The following SPON1 variants were observed in gnomAD, a reference collection of about 807,000 sequenced individuals.
The protein encoded by SPON1 is spondin 1, also known as spondin-1.
A neutral mutation model predicts 111.7 loss-of-function variants in SPON1; 52 were observed. That is an observed-to-expected ratio of 0.47 (90% CI 0.37 to 0.59). SPON1 has a LOEUF of 0.59. Ranked by LOEUF, SPON1 falls within the 20% of genes least tolerant of loss-of-function variation. SPON1 has a pLI of 0.00. For synonymous variants in SPON1, 410 were observed against 395.8 expected, an observed-to-expected ratio of 1.04 and a Z score of -0.43; for missense variants, 957 against 1,068.5, an observed-to-expected ratio of 0.90 and a Z score of 1.46.
At chr11:13,974,868 G>A (rs1215031368) in intron 1 of SPON1, among the ~76,000 whole-genome samples, 1 of 152,080 alleles carries the variant, frequency 6.6e-6, no homozygotes, top group Non-Finnish European at 1.5e-5. Flanking sequence ...TCCTCACCAA[G>A]CCTTTTATCA....
At chr11:14,185,134 G>A (rs186287320) in intron 6 of SPON1, among the ~76,000 whole-genome samples, 54 of 152,252 alleles carry the variant, frequency 3.5e-4, no homozygotes, top group Middle Eastern at 3.4e-3. Flanking sequence ...CCAATGCAAT[G>A]CACATGCTTT....
At chr11:14,157,447 A>C (rs1422090608) in intron 6 of SPON1, among the ~76,000 whole-genome samples, 2 of 152,108 alleles carry the variant, frequency 1.3e-5, no homozygotes, top group African/African-American at 4.8e-5. Flanking sequence ...CTTTTTACAT[A>C]GCTGCTTTTA....
At chr11:14,060,449 C>T (rs1052233683) in intron 3 of SPON1, among the ~76,000 whole-genome samples, 2 of 152,328 alleles carry the variant, frequency 1.3e-5, no homozygotes, top group African/African-American at 2.4e-5. Context: ...TACCTCTTAA[C>T]AGCTGAACTT....
At chr11:13,973,601 T>G (rs1309243265) in intron 1 of SPON1, among the ~76,000 whole-genome samples, 2 of 152,246 alleles carry the variant, frequency 1.3e-5, no homozygotes, top group Non-Finnish European at 2.9e-5. Context: ...TGAATCCTCA[T>G]GACAAATCCA....
intron 5 of SPON1, among the ~76,000 whole-genome samples, chr11:14,092,139 T>C (rs1554923473): frequency 6.6e-6 from 1 of 152,198 alleles, no homozygotes; most frequent in East Asian, 1.9e-4. Context: ...ATCTTGCCAA[T>C]ACCCTCCAAG....
intron 6 of SPON1, among the ~76,000 whole-genome samples, chr11:14,239,589 G>T (rs1268507185): frequency 6.6e-6 from 1 of 152,154 alleles, no homozygotes; most frequent in African/African-American, 2.4e-5. Flanking sequence ...GCCATGAGTA[G>T]TGGTGCACAC....
At chr11:14,080,084 T>C (rs1848949769) in intron 5 of SPON1, 63 bp downstream of exon 5, 2 of 1,594,816 alleles carry the variant, frequency 1.3e-6, no homozygotes, top group East Asian at 2.2e-5. Context: ...TGTCTGGTTA[T>C]AGGGCACACT....
chr11:14,176,303 T>A (rs1398733671), intron 6 of SPON1, among the ~76,000 whole-genome samples: 1 of 151,858 alleles, frequency 6.6e-6, no homozygotes, highest in Non-Finnish European at 1.5e-5. Context: ...TCCAAGAATA[T>A]CCCTTATTCC....
chr11:14,012,888 T>A (rs1554913875), intron 2 of SPON1, among the ~76,000 whole-genome samples: 2 of 152,174 alleles, frequency 1.3e-5, no homozygotes, highest in Admixed American at 1.3e-4. Context: ...GATGGCTACA[T>A]TTTTTGCCCT....
chr11:14,136,142 A>G (rs1446769954), intron 6 of SPON1, among the ~76,000 whole-genome samples: 1 of 152,178 alleles, frequency 6.6e-6, no homozygotes, highest in African/African-American at 2.4e-5. Context: ...TTATCAATTC[A>G]TTTGGCTGAC....
chr11:14,225,338 TACG>T (rs1170939256), intron 6 of SPON1, among the ~76,000 whole-genome samples: 1 of 152,180 alleles, frequency 6.6e-6, no homozygotes, highest in Non-Finnish European at 1.5e-5. Flanking sequence ...ATATTTTGTA[TACG>T]GAAAAATTTA....
intron 6 of SPON1, among the ~76,000 whole-genome samples, chr11:14,236,694 G>A (rs1848871339): frequency 6.6e-6 from 1 of 152,334 alleles, no homozygotes; most frequent in East Asian, 1.9e-4. Context: ...AGTCAGCGAG[G>A]GAGACTGAGA....
chr11:14,109,570 A>G (rs1554925243), intron 5 of SPON1, among the ~76,000 whole-genome samples: 3 of 152,118 alleles, frequency 2.0e-5, no homozygotes, highest in Non-Finnish European at 2.9e-5. Context: ...CTTTACTAAT[A>G]TTTTTAAATA....
At chr11:14,080,385 T>A (rs927287530) in intron 5 of SPON1, among the ~76,000 whole-genome samples, 2 of 151,994 alleles carry the variant, frequency 1.3e-5, no homozygotes, top group Admixed American at 1.3e-4. Context: ...TGGGCCACCA[T>A]GCCCAGCTAA....
intron 6 of SPON1, among the ~76,000 whole-genome samples, chr11:14,164,779 TGGTG>T (rs1848008511): frequency 6.6e-6 from 1 of 151,992 alleles, no homozygotes; most frequent in African/African-American, 2.4e-5. Flanking sequence ...AAGGATAACT[TGGTG>T]GGTGGGGGGA....
intron 6 of SPON1, among the ~76,000 whole-genome samples, chr11:14,169,243 T>C (rs540587921): frequency 1.3e-5 from 2 of 152,370 alleles, no homozygotes; most frequent in Admixed American, 6.5e-5. Flanking sequence ...TGCATTTCTC[T>C]GATGGCCAGT....
intron 5 of SPON1, among the ~76,000 whole-genome samples, chr11:14,084,618 T>C (rs1218366786): frequency 6.6e-6 from 1 of 152,246 alleles, no homozygotes; most frequent in East Asian, 1.9e-4. Context: ...TAAATATGCA[T>C]GTGTCTTTAT....
intron 6 of SPON1, among the ~76,000 whole-genome samples, chr11:14,236,598 T>G (rs536542250): frequency 6.6e-6 from 1 of 152,142 alleles, no homozygotes; most frequent in South Asian, 2.1e-4. Flanking sequence ...GGGGACTAAA[T>G]GAAATCACCA....
At chr11:14,013,654 CTAA>C (rs1446590891) in intron 2 of SPON1, among the ~76,000 whole-genome samples, 1 of 152,062 alleles carries the variant, frequency 6.6e-6, no homozygotes, top group Admixed American at 6.5e-5. Context: ...GGTCATATTG[CTAA>C]TATTGTATAC....
Sources: gnomAD v4.1 joint callset for allele counts (sites outside exome capture counted in the v4.1 genomes callset) on GRCh38, gnomAD v4.1.1 for gene constraint, MANE v1.5 for transcripts, NCBI Gene and HGNC (gene_info 2026-07-23, HGNC 2026-07-21) for gene names.